MTOR: variants seen among roughly 807,000 people sequenced by gnomAD.
MTOR encodes the protein serine/threonine-protein kinase mTOR.
In MTOR, 70 loss-of-function variants were observed where a neutral mutation model predicts 319.8. The ratio of observed to expected loss-of-function variants is 0.22; its 90% CI spans 0.18 to 0.27. The LOEUF is 0.27. Ranked by LOEUF, MTOR falls within the 10% of genes least tolerant of loss-of-function variation. The probability of loss-of-function intolerance (pLI) is 1.00; values close to 1 mark genes in which losing one functional copy is unlikely to be tolerated. For missense variants in MTOR, 1,890 were observed against 3,274.4 expected (o/e 0.58, Z 10.32); for synonymous variants, 1,183 against 1,211.4 (o/e 0.98, Z 0.49).
At chr1:11,120,685 G>C (rs2100353789) in intron 49 of MTOR, among the ~76,000 whole-genome samples, 1 of 152,222 alleles carries the variant, frequency 6.6e-6, no homozygotes, top group Non-Finnish European at 1.5e-5. Context: ...GCATAGTATT[G>C]TATGTAACCT....
chr1:11,181,142 G>T (rs1645132868), intron 28 of MTOR, among the ~76,000 whole-genome samples: 1 of 152,094 alleles, frequency 6.6e-6, no homozygotes, highest in Non-Finnish European at 1.5e-5. Context: ...GTTGCATGCA[G>T]CCCCTAGGGC....
intron 47 of MTOR, among the ~76,000 whole-genome samples, chr1:11,124,110 A>G (rs1189010014): frequency 6.6e-6 from 1 of 152,082 alleles, no homozygotes; most frequent in Non-Finnish European, 1.5e-5. Context: ...TTTTTAAATA[A>G]ATAGTGATGG....
intron 38 of MTOR, 183 bp from the exon 39 acceptor site, chr1:11,130,960 T>G (rs564389922): frequency 1.5e-5 from 11 of 722,820 alleles, no homozygotes; most frequent in Admixed American, 2.9e-5. Context: ...CCACTCACTT[T>G]GTGGAGCACT....
intron 26 of MTOR, among the ~76,000 whole-genome samples, chr1:11,202,473 C>T (rs1393799028): frequency 7.2e-6 from 1 of 139,272 alleles, no homozygotes; most frequent in Non-Finnish European, 1.6e-5. Context: ...TTTTTTTTGG[C>T]GGGGTTGAGG....
At chr1:11,213,591 A>G (rs1294162800) in intron 20 of MTOR, 25 bp from the exon 21 acceptor site, 20 of 1,608,910 alleles carry the variant, frequency 1.2e-5, no homozygotes, top group Non-Finnish European at 1.7e-5. Context: ...AAGTCAGAGG[A>G]GCTGAGTCAG....
chr1:11,201,154 C>T (rs1645956585), intron 26 of MTOR, among the ~76,000 whole-genome samples: 1 of 152,080 alleles, frequency 6.6e-6, no homozygotes, highest in Non-Finnish European at 1.5e-5. Flanking sequence ...TAACCAAGAC[C>T]TTCATCTCTA....
chr1:11,150,308 T>G, intron 30 of MTOR, 82 bp from the exon 31 acceptor site: 1 of 1,197,656 alleles, frequency 8.3e-7, no homozygotes. Context: ...TTGGGTTAGG[T>G]GAGGACTACA....
chr1:11,134,329 C>T (rs772422343), intron 37 of MTOR, 22 bp downstream of exon 37: 116 of 1,608,346 alleles, frequency 7.2e-5, no homozygotes, highest in East Asian at 2.2e-5. Flanking sequence ...TATGACTTGC[C>T]CCAGGTCAGT....
intron 20 of MTOR, among the ~76,000 whole-genome samples, chr1:11,214,199 CT>C (rs1180563590): frequency 6.6e-6 from 1 of 152,210 alleles, no homozygotes; most frequent in Non-Finnish European, 1.5e-5. Flanking sequence ...TATTTCCTGG[CT>C]TTTCTGGATT....
At position 11,210,904 on chromosome 1, in the gene MTOR, G is replaced by C; in HGVS notation, c.3564C>G (p.Tyr1188Ter). The C allele has an allele frequency of 6.2e-7, 1 of 1,607,896 alleles. No homozygotes were observed. Among genetic ancestry groups the C allele is most frequent in the Non-Finnish European group, 8.5e-7 (1 of 1,174,958 alleles). Reference protein sequence around the residue: ...SSLVFQLGKKYQIFIPMVNKV... With the variant: ...SSLVFQLGKK Reference sequence around the variant, plus strand: ...TATTCACCATTGGAATGAAAATTTGGTACTAAAACAGGAGGGGGAAGAGAT... The same window carrying C: ...TATTCACCATTGGAATGAAAATTTGCTACTAAAACAGGAGGGGGAAGAGAT... The change falls in exon 24 of 58, where the codon TAC becomes TAG. Residue 1188 changes from tyrosine (Y) to a stop codon, truncating the protein, a stop_gained and splice_region_variant. Transcript: ENST00000361445. LOFTEE classifies it high-confidence loss of function.
chr1:11,191,346 T>TGGCGAAG (rs1313605447), intron 28 of MTOR, among the ~76,000 whole-genome samples: 5 of 152,320 alleles, frequency 3.3e-5, no homozygotes, highest in East Asian at 1.9e-4. Context: ...AGAATAGTGA[T>TGGCGAAG]GGCGAAGGCA....
chr1:11,248,730 T>G, intron 6 of MTOR, among the ~76,000 whole-genome samples: 1 of 152,132 alleles, frequency 6.6e-6, no homozygotes, highest in Admixed American at 6.6e-5. Flanking sequence ...GAGAATCACT[T>G]GAACCCAGCA....
intron 30 of MTOR, 72 bp from the exon 31 acceptor site, chr1:11,150,298 T>A: frequency 1.5e-6 from 2 of 1,341,990 alleles, no homozygotes; most frequent in Non-Finnish European, 2.1e-6. Context: ...CTCCTGCCCC[T>A]TGGGTTAGGT....
chr1:11,171,971 A>C (rs935444522), intron 28 of MTOR, among the ~76,000 whole-genome samples: 10 of 151,514 alleles, frequency 6.6e-5, no homozygotes, highest in Admixed American at 2.6e-4. Flanking sequence ...GGAAGGTTGC[A>C]GTGAGCCAAG....
chr1:11,193,469 G>T, intron 28 of MTOR: 1 of 932,844 alleles, frequency 1.1e-6, no homozygotes. Context: ...GACTGCGGGA[G>T]TGCACACATC....
rs1182732565 is a variant in MTOR, at chr1:11,236,509, G to GT, written c.2208+1333dup. Among the ~76,000 whole-genome samples the GT allele has an allele frequency of 9.7e-3, 1,208 of 123,998 alleles. 17 individuals carry two copies. The highest frequency in any genetic ancestry group is 0.012 in the Non-Finnish European group (672 of 57,874). 81.3% of individuals were successfully genotyped at this position (123,998 alleles called of 152,430 possible). A position where few individuals can be genotyped will look rare whatever the true frequency, so the allele number is the denominator to read the frequency against. Reference sequence around the variant, plus strand: ...CTGGCAGGCTCAACAGTGATTTCACGTTTTTTTTTTTTTTTTTGAGACAGA... The same window carrying GT: ...CTGGCAGGCTCAACAGTGATTTCACGTTTTTTTTTTTTTTTTTTGAGACAGA... On this transcript the variant is annotated intron_variant, in intron 13 of 57. Transcript: ENST00000361445.
intron 8 of MTOR, among the ~76,000 whole-genome samples, chr1:11,247,059 A>G (rs1218345785): frequency 6.6e-6 from 1 of 152,226 alleles, no homozygotes; most frequent in Non-Finnish European, 1.5e-5. Context: ...CCTCATGGTT[A>G]AGGGCGGAGG....
intron 23 of MTOR, among the ~76,000 whole-genome samples, chr1:11,211,562 T>C (rs1480874849): frequency 1.3e-5 from 2 of 152,118 alleles, no homozygotes; most frequent in African/African-American, 4.8e-5. Context: ...GGAGACAGGG[T>C]CTTGCTATGT....
chr1:11,192,248 C>G (rs568432536), intron 28 of MTOR: 5 of 1,572,008 alleles, frequency 3.2e-6, no homozygotes, highest in East Asian at 4.5e-5. Context: ...AAATGCTCAC[C>G]CTGTGGTTTG....
Sources: allele counts gnomAD v4.1 joint callset (sites outside exome capture counted in the v4.1 genomes callset), GRCh38; gene constraint gnomAD v4.1.1; transcripts MANE v1.5; gene names NCBI Gene and HGNC (gene_info 2026-07-23, HGNC 2026-07-21).